SLC43A2: variants seen among roughly 807,000 people sequenced by gnomAD.
SLC43A2 encodes the protein large neutral amino acids transporter small subunit 4.
In SLC43A2, 38 loss-of-function variants were observed where a neutral mutation model predicts 63.2. That is an observed-to-expected ratio of 0.60 (90% CI 0.46 to 0.79). SLC43A2 has a LOEUF of 0.79. Among genes scored for constraint, SLC43A2 ranks in the 30% least tolerant of loss-of-function variants. SLC43A2 has a pLI of 0.00. For synonymous variants in SLC43A2, 322 were observed against 331.0 expected, an observed-to-expected ratio of 0.97 and a Z score of 0.30; for missense variants, 644 against 756.2, an observed-to-expected ratio of 0.85 and a Z score of 1.74.
intron 5 of SLC43A2, among the ~76,000 whole-genome samples, chr17:1,612,880 G>A (rs1043746821): frequency 6.6e-6 from 1 of 152,102 alleles, no homozygotes. Flanking sequence ...GCTGAGGCAG[G>A]AGAATCGCTT....
At chr17:1,615,582 G>A (rs1205352883) in intron 3 of SLC43A2, among the ~76,000 whole-genome samples, 13 of 148,836 alleles carry the variant, frequency 8.7e-5, no homozygotes, top group African/African-American at 2.7e-4. Flanking sequence ...GATGGCTCAC[G>A]CCTGTAATCC....
At position 1,570,815 on chromosome 17, in the gene SLC43A2, C is replaced by CCCA. The variant is rs2075837635; in HGVS notation, c.*4786_*4788dup. 6.6e-6 allele frequency: 1 copy of CCCA among 152,310 alleles called. No individual in the cohort carries two copies. Among genetic ancestry groups the CCCA allele is most frequent in the Admixed American group, 6.5e-5 (1 of 15,274 alleles). 9.4% of individuals were successfully genotyped at this position (152,310 alleles called of 1,614,324 possible). A position where few individuals can be genotyped will look rare whatever the true frequency, so the allele number is the denominator to read the frequency against. ...GCTACCATTGTTAAGTGCCAGGCGT[C>CCCA]CCACCATGCGGGTCTTCACTGCGTA... On this transcript the variant is annotated 3_prime_UTR_variant, in exon 14 of 14. Coordinates refer to ENST00000301335, the MANE Select transcript of SLC43A2 (RefSeq NM_152346.3).
Position 1,627,888 on chromosome 17 carries a change from GCGGCTC to G in SLC43A2, c.-20_-15del, listed in dbSNP as rs751433439. 90 of 1,546,966 alleles carry G rather than the reference GCGGCTC, an allele frequency of 5.8e-5. No individual in the cohort carries two copies. The highest frequency in any genetic ancestry group is 2.3e-4 in the South Asian group (19 of 83,746). ...GGTGGGCGCCATGGTGCGGCGCGGC[GCGGCTC>G]CGGCTCCGGCTCCGGCTCTGCACCA... On this transcript the variant is annotated 5_prime_UTR_variant, in exon 2 of 14. Coordinates refer to ENST00000301335, the MANE Select transcript of SLC43A2 (RefSeq NM_152346.3).
intron 2 of SLC43A2, among the ~76,000 whole-genome samples, chr17:1,619,582 C>A (rs948889371): frequency 6.6e-6 from 1 of 152,208 alleles, no homozygotes; most frequent in African/African-American, 2.4e-5. Flanking sequence ...GAGCTCAGAG[C>A]GGTCATGTAC....
At position 1,615,879 on chromosome 17, in the gene SLC43A2, T is replaced by TAAATAAATAA. The variant is rs1567644881; in HGVS notation, c.368+682_368+683insTTATTTATTT. 8.7e-5 allele frequency among the ~76,000 whole-genome samples: 6 copies of TAAATAAATAA among 69,010 alleles called. No homozygotes were observed. The East Asian group carries it at 1.2e-3, about 14-fold the overall frequency. The allele number at this position is 69,010 out of a possible 152,430, so 45.3% of individuals were successfully genotyped here. On this transcript the variant is annotated intron_variant, in intron 3 of 13. Coordinates refer to ENST00000301335, the MANE Select transcript of SLC43A2 (RefSeq NM_152346.3). ...AAATAAATAAATAAATAAATAAATA[T>TAAATAAATAA]GAAAAATATAAAAATTAGCTGGGTG...
At position 1,575,517 on chromosome 17, in the gene SLC43A2, G is replaced by A. The variant is rs539236596; in HGVS notation, c.*87C>T. On this transcript the variant is annotated 3_prime_UTR_variant, in exon 14 of 14. Transcript: ENST00000301335. ...CTGGCACGGAGACGGCGAAGGTCCT[G>A]GGGGTGCGTGGGGTACTCTGGAGGG... 9 of 1,551,568 alleles carry A rather than the reference G, an allele frequency of 5.8e-6. No homozygotes were observed. In the African/African-American group the frequency reaches 9.5e-5, roughly 16 times the overall value.
chr17:1,590,428 C>A (rs1481378248), intron 9 of SLC43A2, among the ~76,000 whole-genome samples: 1 of 152,158 alleles, frequency 6.6e-6, no homozygotes, highest in Non-Finnish European at 1.5e-5. Context: ...CACCGTGCCA[C>A]TTTCTGGGAG....
At chr17:1,629,407 TC>T (rs1277637724), upstream of SLC43A2, among the ~76,000 whole-genome samples, 2 of 151,656 alleles carry the variant, frequency 1.3e-5, no homozygotes, top group African/African-American at 4.9e-5. Context: ...GTGGTTCCCG[TC>T]CCGGCGTATT....
upstream of SLC43A2, among the ~76,000 whole-genome samples, chr17:1,629,199 A>G (rs1322562575): frequency 6.6e-6 from 1 of 150,860 alleles, no homozygotes; most frequent in Non-Finnish European, 1.5e-5. Context: ...CCGCCGGGCC[A>G]CCAGCGCCCC....
At chr17:1,610,373 C>T (rs1906985938) in intron 5 of SLC43A2, among the ~76,000 whole-genome samples, 1 of 151,406 alleles carries the variant, frequency 6.6e-6, no homozygotes, top group African/African-American at 2.4e-5. Context: ...AGCCTTCCTC[C>T]CACCTCAGCC....
At chr17:1,599,924 G>C (rs555060628) in intron 5 of SLC43A2, among the ~76,000 whole-genome samples, 8 of 147,724 alleles carry the variant, frequency 5.4e-5, no homozygotes, top group South Asian at 2.2e-4. Flanking sequence ...GGCGCCTGTA[G>C]TCCCAGCTAC....
At chr17:1,592,473 C>G (rs1407344941) in intron 6 of SLC43A2, among the ~76,000 whole-genome samples, 1 of 152,178 alleles carries the variant, frequency 6.6e-6, no homozygotes, top group Non-Finnish European at 1.5e-5. Flanking sequence ...CTCCCCAGTC[C>G]AGGGGCATGA....
chr17:1,576,214 T>G (rs1037514953), intron 13 of SLC43A2, among the ~76,000 whole-genome samples: 2 of 151,266 alleles, frequency 1.3e-5, no homozygotes, highest in African/African-American at 2.4e-5. Flanking sequence ...CTCCCGAGTA[T>G]CTGGGATTAC....
In SLC43A2 at chr17:1,569,378, G is replaced by C. The variant is rs2075814533; in HGVS notation, c.*6226C>G. 6.6e-6 allele frequency: 1 copy of C among 152,332 alleles called. No homozygotes were observed. Among genetic ancestry groups the C allele is most frequent in the Non-Finnish European group, 1.5e-5 (1 of 68,128 alleles). The allele number at this position is 152,332 out of a possible 1,614,324, so 9.4% of individuals were successfully genotyped here. Reference sequence around the variant, plus strand: ...GCGGGTCAGCCGCTGGGTTGACCCTGGTTAATACAGGGTACGGATTAACCC... The same window carrying C: ...GCGGGTCAGCCGCTGGGTTGACCCTCGTTAATACAGGGTACGGATTAACCC... On this transcript the variant is annotated 3_prime_UTR_variant, in exon 14 of 14. Transcript: ENST00000301335.
rs1209449237 is a variant in SLC43A2, at chr17:1,590,939, G to T, written c.941C>A (p.Ser314Tyr). 8 of 1,550,316 alleles carry T rather than the reference G, an allele frequency of 5.2e-6. No homozygotes were observed. The highest frequency in any genetic ancestry group is 4.1e-5 in the African/African-American group (3 of 73,082). Residue 314 changes from serine to tyrosine, a missense_variant, in exon 9 of 14, where the codon TCC (serine) becomes TAC (tyrosine). Physicochemically the swap from Ser to Tyr is moderately radical, Grantham distance 144. This residue lies in a region of SLC43A2 where 528 missense variants were observed against 623.6 expected (regional missense o/e 0.85). Transcript: ENST00000301335. ...KCQPDAAVAP[S>Y]FMHSVFSPIL... ...GGGGCTGAACACGCTGTGCATGAAG[G>T]AGGGGGCCACTGCAGGGAGAGGGTG...
In SLC43A2 at chr17:1,581,294, A is replaced by G. The variant is rs149287253; in HGVS notation, c.1350+1910T>C. 4.3e-3 allele frequency among the ~76,000 whole-genome samples: 651 copies of G among 152,146 alleles called. 3 individuals carry two copies. The highest frequency in any genetic ancestry group is 0.015 in the African/African-American group (603 of 41,506). On this transcript the variant is annotated intron_variant, in intron 11 of 13. Coordinates refer to ENST00000301335, the MANE Select transcript of SLC43A2 (RefSeq NM_152346.3). ...CAACTTTTCTTTCAGTGAGACCTAC[A>G]TAAAACAAAAAGATGACTGTCCCCA...
At chr17:1,625,144 G>A (rs977967688) in intron 2 of SLC43A2, among the ~76,000 whole-genome samples, 11 of 152,170 alleles carry the variant, frequency 7.2e-5, no homozygotes, top group Non-Finnish European at 1.5e-4. Flanking sequence ...CCTGGAGGAC[G>A]TTGTGCAAAA....
intron 2 of SLC43A2, among the ~76,000 whole-genome samples, chr17:1,620,539 G>GCCTTCTC (rs1449399377): frequency 1.3e-5 from 2 of 152,132 alleles, no homozygotes; most frequent in Non-Finnish European, 2.9e-5. Context: ...TAGGCCAACA[G>GCCTTCTC]CCTTCTCGTC....
chr17:1,594,110 C>T (rs1422602611), intron 5 of SLC43A2, among the ~76,000 whole-genome samples: 1 of 152,160 alleles, frequency 6.6e-6, no homozygotes, highest in East Asian at 1.9e-4. Context: ...CAGGCGTGAG[C>T]CACCGCGCCC....
Sources: gnomAD v4.1 joint callset for allele counts (sites outside exome capture counted in the v4.1 genomes callset) on GRCh38, gnomAD v4.1.1 for gene constraint, gnomAD v4.1.1 regional missense constraint, MANE v1.5 for transcripts, NCBI Gene and HGNC (gene_info 2026-07-23, HGNC 2026-07-21) for gene names.